Variants in HS3ST5 observed in about 807,000 individuals in gnomAD.
HS3ST5 encodes the protein heparan sulfate-glucosamine 3-sulfotransferase 5, also known as heparan sulfate glucosamine 3-O-sulfotransferase 5.
HS3ST5 carries 10 observed loss-of-function variants against 25.4 expected under a neutral mutation model. That is an observed-to-expected ratio of 0.39 (90% CI 0.24 to 0.67). HS3ST5 has a LOEUF of 0.67. HS3ST5 is among the 30% of genes least tolerant of loss of function. HS3ST5 has a pLI of 0.44. For synonymous variants in HS3ST5, 170 were observed against 162.4 expected, an observed-to-expected ratio of 1.05 and a Z score of -0.36; for missense variants, 324 against 420.7, an observed-to-expected ratio of 0.77 and a Z score of 2.01.
At chr6:114,135,890 C>T (rs1777574077) in intron 3 of HS3ST5, among the ~76,000 whole-genome samples, 2 of 152,174 alleles carry the variant, frequency 1.3e-5, no homozygotes, top group African/African-American at 4.8e-5. Flanking sequence ...CACTGGAGCC[C>T]AGGTTGCATC....
intron 1 of HS3ST5, among the ~76,000 whole-genome samples, chr6:114,298,377 A>G (rs1353152219): frequency 6.6e-6 from 1 of 152,238 alleles, no homozygotes; most frequent in Admixed American, 6.5e-5. Context: ...ACACAAAACA[A>G]TAACATCATT....
In HS3ST5 at chr6:114,113,414, C is replaced by G. The variant is rs1296324775; in HGVS notation, c.-32-50537G>C. Among the ~76,000 whole-genome samples, 3 of 152,016 alleles carry G rather than the reference C, an allele frequency of 2.0e-5. No individual in the cohort carries two copies. The East Asian group carries it at 5.8e-4, about 29-fold the overall frequency. On this transcript the variant is annotated intron_variant, in intron 3 of 4. Coordinates refer to ENST00000312719, the MANE Select transcript of HS3ST5 (RefSeq NM_153612.4). Reference sequence around the variant, plus strand: ...ATTACAACTTTTCCCTTCATTTACTCCAGTCACACTGGCCCCCTTTCTCTC... The same window carrying G: ...ATTACAACTTTTCCCTTCATTTACTGCAGTCACACTGGCCCCCTTTCTCTC...
chr6:114,069,287 G>T (rs1454140768), intron 3 of HS3ST5, among the ~76,000 whole-genome samples: 5 of 151,746 alleles, frequency 3.3e-5, no homozygotes. Context: ...TTGAACACTA[G>T]GCTCTGTGTT....
intron 2 of HS3ST5, among the ~76,000 whole-genome samples, chr6:114,192,301 A>T (rs1222765199): frequency 2.0e-5 from 3 of 152,182 alleles, no homozygotes; most frequent in Non-Finnish European, 2.9e-5. Flanking sequence ...AGCACTTTGC[A>T]AACAGAACTC....
At chr6:114,296,774 C>T (rs1426121333) in intron 1 of HS3ST5, among the ~76,000 whole-genome samples, 1 of 152,092 alleles carries the variant, frequency 6.6e-6, no homozygotes, top group African/African-American at 2.4e-5. Context: ...CTCAAGACGA[C>T]AAGACAATGT....
intron 1 of HS3ST5, among the ~76,000 whole-genome samples, chr6:114,283,820 C>CA (rs930055594): frequency 6.6e-6 from 1 of 151,872 alleles, no homozygotes; most frequent in East Asian, 1.9e-4. Flanking sequence ...TTCAGGATAT[C>CA]AAAAAAATGA....
At chr6:114,228,084 G>A (rs1771389048) in intron 2 of HS3ST5, among the ~76,000 whole-genome samples, 1 of 152,048 alleles carries the variant, frequency 6.6e-6, no homozygotes, top group Non-Finnish European at 1.5e-5. Flanking sequence ...TTTGAAAATG[G>A]GAACTAGATT....
chr6:114,231,944 C>A (rs1028164272), intron 1 of HS3ST5, among the ~76,000 whole-genome samples: 9 of 152,056 alleles, frequency 5.9e-5, no homozygotes, highest in Non-Finnish European at 8.8e-5. Context: ...TTGTTTCACT[C>A]CTGGAGAGAG....
intron 1 of HS3ST5, among the ~76,000 whole-genome samples, chr6:114,244,576 T>C (rs1331005052): frequency 1.3e-5 from 2 of 152,206 alleles, no homozygotes; most frequent in Non-Finnish European, 2.9e-5. Context: ...TTATGAAAAT[T>C]CAAGGTTTGG....
chr6:114,178,498 T>C (rs1383881742), intron 2 of HS3ST5, among the ~76,000 whole-genome samples: 2 of 152,160 alleles, frequency 1.3e-5, no homozygotes, highest in African/African-American at 4.8e-5. Context: ...AATACACACA[T>C]AGGAACACTA....
At chr6:114,309,551 G>A (rs1365816012) in intron 1 of HS3ST5, among the ~76,000 whole-genome samples, 1 of 152,108 alleles carries the variant, frequency 6.6e-6, no homozygotes, top group Non-Finnish European at 1.5e-5. Flanking sequence ...TGGCCAATAT[G>A]GAGAAACCCT....
intron 1 of HS3ST5, chr6:114,251,446 T>C (rs1198192801): frequency 1.3e-5 from 2 of 152,188 alleles, no homozygotes; most frequent in South Asian, 2.1e-4. Context: ...GTGTGAGCAC[T>C]TGAGGGAAAG....
chr6:114,146,941 G>C (rs1339185245), intron 3 of HS3ST5, among the ~76,000 whole-genome samples: 1 of 152,178 alleles, frequency 6.6e-6, no homozygotes, highest in African/African-American at 2.4e-5. Flanking sequence ...CCAGTTGCAG[G>C]TATTTCTTTA....
chr6:114,290,389 ATTCAGAACTTC>A (rs1774521175), intron 1 of HS3ST5, among the ~76,000 whole-genome samples: 1 of 152,162 alleles, frequency 6.6e-6, no homozygotes, highest in Non-Finnish European at 1.5e-5. Context: ...TAAATGGAGA[ATTCAGAACTTC>A]TTTAAAGATG....
At chr6:114,258,502 A>C (rs1257076766) in intron 1 of HS3ST5, among the ~76,000 whole-genome samples, 1 of 152,196 alleles carries the variant, frequency 6.6e-6, no homozygotes, top group Non-Finnish European at 1.5e-5. Context: ...AGTGAGACCC[A>C]AGGAAGGCAA....
intron 2 of HS3ST5, among the ~76,000 whole-genome samples, chr6:114,199,282 G>T (rs1247704670): frequency 6.6e-6 from 1 of 152,068 alleles, no homozygotes; most frequent in East Asian, 1.9e-4. Flanking sequence ...GGCCGTAAAG[G>T]ATGCCAGCAC....
At chr6:114,067,565 G>A (rs1296101243) in intron 3 of HS3ST5, among the ~76,000 whole-genome samples, 1 of 152,006 alleles carries the variant, frequency 6.6e-6, no homozygotes, top group Non-Finnish European at 1.5e-5. Flanking sequence ...TTGCTCCCTG[G>A]GATTAGATAC....
At chr6:114,072,802 T>C (rs2114737146) in intron 3 of HS3ST5, among the ~76,000 whole-genome samples, 1 of 152,318 alleles carries the variant, frequency 6.6e-6, no homozygotes, top group East Asian at 1.9e-4. Flanking sequence ...ACTGTAAATT[T>C]CATATGGAAT....
intron 3 of HS3ST5, among the ~76,000 whole-genome samples, chr6:114,168,150 A>C (rs1450720471): frequency 1.3e-5 from 2 of 152,166 alleles, no homozygotes; most frequent in African/African-American, 4.8e-5. Context: ...TATGTGGGCA[A>C]TACTGAGGCA....
Sources: allele counts gnomAD v4.1 joint callset (sites outside exome capture counted in the v4.1 genomes callset), GRCh38; gene constraint gnomAD v4.1.1; transcripts MANE v1.5; gene names NCBI Gene and HGNC (gene_info 2026-07-23, HGNC 2026-07-21).